Variants in DCAF5 observed in about 807,000 individuals in gnomAD.
The protein encoded by DCAF5 is DDB1 and CUL4 associated factor 5.
Under a neutral mutation model 80.7 loss-of-function variants are expected in DCAF5, and 9 were observed. The observed-to-expected ratio is 0.11, with a 90% confidence interval of 0.07 to 0.19. The LOEUF is 0.19. Ranked by LOEUF, DCAF5 falls within the 10% of genes least tolerant of loss-of-function variation. DCAF5 has a pLI of 1.00. For missense variants in DCAF5, 842 were observed against 1,205.7 expected, an observed-to-expected ratio of 0.70 and a Z score of 4.47; for synonymous variants, 433 against 461.9, an observed-to-expected ratio of 0.94 and a Z score of 0.80.
intron 5 of DCAF5, among the ~76,000 whole-genome samples, chr14:69,098,921 GAAAA>G (rs1166576421): frequency 6.1e-5 from 8 of 132,180 alleles, no homozygotes; most frequent in Non-Finnish European, 9.8e-5. Flanking sequence ...AAAAAGAAAA[GAAAA>G]AAAAGAAAAA....
chr14:69,101,449 AG>A (rs940961939), intron 5 of DCAF5, among the ~76,000 whole-genome samples: 1 of 152,226 alleles, frequency 6.6e-6, no homozygotes, highest in African/African-American at 2.4e-5. Context: ...CTGCCAAGAG[AG>A]GACAGAGGAA....
intron 5 of DCAF5, among the ~76,000 whole-genome samples, chr14:69,092,207 C>G (rs941873220): frequency 6.6e-6 from 1 of 152,108 alleles, no homozygotes; most frequent in Non-Finnish European, 1.5e-5. Flanking sequence ...ACTGCACAAC[C>G]AAAAGCATAC....
intron 5 of DCAF5, among the ~76,000 whole-genome samples, chr14:69,097,150 G>C (rs1376399260): frequency 6.6e-6 from 1 of 152,088 alleles, no homozygotes; most frequent in African/African-American, 2.4e-5. Flanking sequence ...AAGCAGAAGA[G>C]GGTTTGAAAA....
intron 7 of DCAF5, among the ~76,000 whole-genome samples, chr14:69,067,998 C>T (rs570504050): frequency 1.3e-5 from 2 of 152,292 alleles, no homozygotes; most frequent in Non-Finnish European, 2.9e-5. Context: ...AATAAAGGGG[C>T]TGAAATCCTA....
intron 6 of DCAF5, chr14:69,085,140 C>G: frequency 1.3e-6 from 1 of 764,848 alleles, no homozygotes; most frequent in Non-Finnish European, 2.4e-6. Context: ...ATCATACATA[C>G]AAACCTACGA....
At chr14:69,073,354 C>A (rs1274176805) in intron 7 of DCAF5, among the ~76,000 whole-genome samples, 1 of 152,148 alleles carries the variant, frequency 6.6e-6, no homozygotes. Context: ...AGAAACCAAA[C>A]CTGCCAGCAC....
chr14:69,076,192 G>A (rs1362077241), intron 6 of DCAF5, among the ~76,000 whole-genome samples: 2 of 152,000 alleles, frequency 1.3e-5, no homozygotes, highest in African/African-American at 2.4e-5. Context: ...TGGTGGGAAT[G>A]ACTAACGAAC....
chr14:69,105,770 T>TA (rs1435729472), intron 5 of DCAF5, among the ~76,000 whole-genome samples: 1 of 151,230 alleles, frequency 6.6e-6, no homozygotes, highest in Non-Finnish European at 1.5e-5. Flanking sequence ...GGCATCAGAC[T>TA]GAAGCCTCTA....
intron 5 of DCAF5, among the ~76,000 whole-genome samples, chr14:69,104,109 T>C (rs1241406763): frequency 1.3e-4 from 20 of 152,188 alleles, no homozygotes; most frequent in Admixed American, 1.3e-3. Context: ...TAGATATAGA[T>C]CCAAGAATGA....
intron 4 of DCAF5, 49 bp from the exon 5 acceptor site, chr14:69,116,544 A>T (rs747411820): frequency 6.3e-7 from 1 of 1,590,394 alleles, no homozygotes. Flanking sequence ...CCTGTGGGCC[A>T]CTGGCAGGCA....
At chr14:69,103,146 C>T (rs1050911332) in intron 5 of DCAF5, among the ~76,000 whole-genome samples, 3 of 152,100 alleles carry the variant, frequency 2.0e-5, no homozygotes, top group Non-Finnish European at 2.9e-5. Flanking sequence ...CAACACATAC[C>T]AATGAGTGAA....
At chr14:69,065,120 C>T (rs1413226682) in intron 7 of DCAF5, among the ~76,000 whole-genome samples, 4 of 103,536 alleles carry the variant, frequency 3.9e-5, no homozygotes, top group East Asian at 3.2e-4. Flanking sequence ...TTTTTTGAGA[C>T]GGAGTCTTGC....
rs1281792154 is a variant in DCAF5 at position 69,055,343 on chromosome 14, G to C, written c.1343C>G (p.Ala448Gly). The C allele has an allele frequency of 1.9e-6, 3 of 1,614,198 alleles. No individual in the cohort carries two copies. Among genetic ancestry groups the C allele is most frequent in the Non-Finnish European group, 2.5e-6 (3 of 1,180,036 alleles). The change falls in exon 9 of 9, where the codon GCT becomes GGT. Residue 448 changes from alanine (A) to glycine (G), a missense_variant. Physicochemically the swap from Ala to Gly is moderately conservative, Grantham distance 60 (BLOSUM62 0). Coordinates refer to ENST00000341516, the MANE Select transcript of DCAF5 (RefSeq NM_003861.3). The surrounding 1 kb of genome is among the most constrained non-coding windows in gnomAD (Gnocchi z 5.6). The stretch of plus-strand genomic sequence containing the variant: ...GTAGCCTGAGCGCTCGCTGACCCCA[G>C]CGTGCAGTTGGAGGATAGTACTCTC... Reference protein sequence around the residue: ...LSESTILQLHAGVSERSGYTD... With the variant: ...LSESTILQLHGGVSERSGYTD...
intron 1 of DCAF5, among the ~76,000 whole-genome samples, chr14:69,146,720 T>A (rs969357406): frequency 3.3e-5 from 5 of 152,236 alleles, no homozygotes; most frequent in Non-Finnish European, 5.9e-5. Context: ...TTCTCATAGC[T>A]CCTGTTTTAC....
Position 69,054,401 on chromosome 14 carries a change from G to A in DCAF5, c.2285C>T (p.Ser762Phe), listed in dbSNP as rs2037871711. 2 of 1,614,090 alleles carry A rather than the reference G, an allele frequency of 1.2e-6. No homozygotes were observed. The highest frequency in any genetic ancestry group is 2.2e-5 in the South Asian group (2 of 91,092). Residue 762 changes from serine to phenylalanine, a missense_variant, in exon 9 of 9, where the codon TCT becomes TTT. Around this residue, in one of 5 missense-constraint regions of DCAF5, gnomAD observed 607 missense variants for 656.6 expected, o/e 0.92. Transcript: ENST00000341516. Reference protein sequence around the residue: ...HAWAEVPEGTSQDTGNSGSVE... With the variant: ...HAWAEVPEGTFQDTGNSGSVE... ...AGAGCCGCTATTGCCAGTGTCCTGAGAGGTACCCTCTGGCACCTCTGCCCA... is the reference window on the plus strand; with the variant it reads ...AGAGCCGCTATTGCCAGTGTCCTGAAAGGTACCCTCTGGCACCTCTGCCCA...
At chr14:69,141,350 T>A (rs999848995) in intron 1 of DCAF5, among the ~76,000 whole-genome samples, 6 of 150,278 alleles carry the variant, frequency 4.0e-5, no homozygotes, top group Admixed American at 2.7e-4. Context: ...GACCTTTTTT[T>A]TTCTTTTTCT....
At position 69,091,659 on chromosome 14, in the gene DCAF5, G is replaced by A. The variant is rs1393582134; in HGVS notation, c.879+15C>T. 2 of 1,607,216 alleles carry A rather than the reference G, an allele frequency of 1.2e-6. No homozygotes were observed. The highest frequency in any genetic ancestry group is 1.7e-6 in the Non-Finnish European group (2 of 1,173,814). On this transcript the variant is annotated intron_variant, in intron 6 of 8. Transcript: ENST00000341516. The stretch of plus-strand genomic sequence containing the variant: ...AAAGCATAAGTGTGAGATGCAGGAG[G>A]CAGACAGCATTTACCTGGTCACGAT...
chr14:69,151,808 A>G (rs1286615467), intron 1 of DCAF5, among the ~76,000 whole-genome samples: 1 of 152,128 alleles, frequency 6.6e-6, no homozygotes, highest in Non-Finnish European at 1.5e-5. Flanking sequence ...CTATCGATTC[A>G]GCTGCCTGTC....
intron 8 of DCAF5, among the ~76,000 whole-genome samples, chr14:69,061,887 T>C (rs1379972121): frequency 6.6e-6 from 1 of 152,130 alleles, no homozygotes; most frequent in African/African-American, 2.4e-5. Context: ...GGTACAGTGG[T>C]GCATGCCTGT....
Sources: allele counts gnomAD v4.1 joint callset (sites outside exome capture counted in the v4.1 genomes callset), GRCh38; gene constraint gnomAD v4.1.1; regional missense constraint gnomAD v4.1.1; non-coding constraint Gnocchi (gnomAD v3.1); transcripts MANE v1.5; gene names NCBI Gene and HGNC (gene_info 2026-07-23, HGNC 2026-07-21).